PCDHGA8: variants seen among roughly 807,000 people sequenced by gnomAD.
PCDHGA8 encodes protocadherin gamma-A8.
PCDHGA8 carries 45 observed loss-of-function variants against 59.2 expected under a neutral mutation model. The observed-to-expected ratio is 0.76, with a 90% CI of 0.60 to 0.98. The LOEUF (loss-of-function observed/expected upper bound fraction) is 0.98. PCDHGA8 is among the 50% of genes least tolerant of loss of function. The pLI, the probability that PCDHGA8 is intolerant of heterozygous loss-of-function variation, is 0.00. For synonymous variants in PCDHGA8, 531 were observed against 519.0 expected (o/e 1.02, Z -0.32); for missense variants, 1,257 against 1,196.2 (o/e 1.05, Z -0.75).
intron 1 of PCDHGA8, chr5:141,492,018 G>A: frequency 1.7e-6 from 1 of 585,594 alleles, no homozygotes; most frequent in Admixed American, 3.7e-5. Flanking sequence ...GGGTGTCGGG[G>A]GTCCCGGGAG....
intron 1 of PCDHGA8, chr5:141,414,582 C>T (rs2095761888): frequency 2.5e-6 from 4 of 1,613,862 alleles, no homozygotes; most frequent in Non-Finnish European, 3.4e-6. Flanking sequence ...CAGAGAACAA[C>T]GCCAGGGGTG....
rs367731612 is a variant in PCDHGA8, at chr5:141,419,406, C to T, written c.2424+24169C>T. The T allele has an allele frequency of 6.5e-5, 105 of 1,613,522 alleles. 1 individual carries two copies. The South Asian group carries it at 1.0e-3, about 16-fold the overall frequency. Reference sequence around the variant, plus strand: ...AGCGCGCAGAGCGGGGTGGTGTTCGCGCAGCGCGCCTTCGACCACGAGCAG... The same window carrying T: ...AGCGCGCAGAGCGGGGTGGTGTTCGTGCAGCGCGCCTTCGACCACGAGCAG... On this transcript the variant is annotated intron_variant, in intron 1 of 3. Transcript: ENST00000398604.
chr5:141,507,796 G>GGGAA (rs2099863457), intron 3 of PCDHGA8, among the ~76,000 whole-genome samples: 1 of 152,220 alleles, frequency 6.6e-6, no homozygotes, highest in Admixed American at 6.5e-5. Flanking sequence ...GTCTAAGCCT[G>GGGAA]CGCCCTGGGG....
intron 1 of PCDHGA8, chr5:141,419,487 G>T: frequency 6.2e-7 from 1 of 1,612,378 alleles, no homozygotes. Context: ...CCCGCGCTCA[G>T]CGCCAATGTG....
intron 1 of PCDHGA8, chr5:141,398,973 C>T: frequency 6.2e-7 from 1 of 1,613,952 alleles, no homozygotes; most frequent in Non-Finnish European, 8.5e-7. Context: ...ATTCCTTCTA[C>T]AGAACCGGGC....
At chr5:141,443,844 G>T (rs976057583) in intron 1 of PCDHGA8, among the ~76,000 whole-genome samples, 1 of 152,130 alleles carries the variant, frequency 6.6e-6, no homozygotes, top group African/African-American at 2.4e-5. Flanking sequence ...GGGTAATATG[G>T]AAAGTCTGAA....
At chr5:141,414,230 C>T in intron 1 of PCDHGA8, 5 of 1,613,308 alleles carry the variant, frequency 3.1e-6, no homozygotes, top group Non-Finnish European at 4.2e-6. Flanking sequence ...CCAGAGCTGA[C>T]CATCACGTCT....
chr5:141,487,143 C>T lies in PCDHGA8; in HGVS notation c.2425-7664C>T. Reference sequence around the variant, plus strand: ...GATAGTGGTAGTCCACCACTCTCTACCTCTGTTACTCTCTTAGTGTCCTTA... The same window carrying T: ...GATAGTGGTAGTCCACCACTCTCTATCTCTGTTACTCTCTTAGTGTCCTTA... On this transcript the variant is annotated intron_variant, in intron 1 of 3. Coordinates refer to ENST00000398604, the MANE Select transcript of PCDHGA8 (RefSeq NM_032088.2). This position sits in a 1 kb window ranked among gnomAD's most constrained non-coding sequence, Gnocchi z 5.0. 1.2e-6 allele frequency: 2 copies of T among 1,614,028 alleles called. No homozygotes were observed. Among genetic ancestry groups the T allele is most frequent in the Non-Finnish European group, 1.7e-6 (2 of 1,179,862 alleles).
chr5:141,442,317 A>T (rs1257883989), intron 1 of PCDHGA8: 2 of 152,400 alleles, frequency 1.3e-5, no homozygotes, highest in Admixed American at 6.5e-5. Context: ...ACGGATGTCT[A>T]TCCCGCGCTA....
At chr5:141,437,016 T>G (rs1025489534) in intron 1 of PCDHGA8, among the ~76,000 whole-genome samples, 1 of 152,254 alleles carries the variant, frequency 6.6e-6, no homozygotes, top group Non-Finnish European at 1.5e-5. Flanking sequence ...TTAGATAATT[T>G]CACCAGAAAA....
At chr5:141,418,344 T>G (rs746519142) in intron 1 of PCDHGA8, 1 of 1,614,008 alleles carries the variant, frequency 6.2e-7, no homozygotes, top group Non-Finnish European at 8.5e-7. Context: ...GATCCTGATA[T>G]TAGTATGAAT....
chr5:141,393,676 A>G lies in PCDHGA8; in HGVS notation c.863A>G (p.Gln288Arg), dbSNP rs767754951. 1.2e-6 allele frequency: 2 copies of G among 1,613,954 alleles called. No homozygotes were observed. Among genetic ancestry groups the G allele is most frequent in the South Asian group, 1.1e-5 (1 of 91,090 alleles). Residue 288 changes from glutamine (Q) to arginine (R), a missense_variant, in exon 1 of 4, where the codon CAA (glutamine) becomes CGA (arginine). By Grantham distance (43) the Gln-to-Arg change is conservative (BLOSUM62 1). Coordinates refer to ENST00000398604, the MANE Select transcript of PCDHGA8 (RefSeq NM_032088.2). Reference protein sequence around the residue: ...AYKFRKINEKQTPLFQLNENT... With the variant: ...AYKFRKINEKRTPLFQLNENT... ...AAATTCCGGAAAATTAATGAAAAAC[A>G]AACTCCGTTATTCCAGCTTAATGAA...
chr5:141,399,617 TGGCCTCTTACGTGTCCATGAGC>T, intron 1 of PCDHGA8: 4 of 1,613,944 alleles, frequency 2.5e-6, no homozygotes. Flanking sequence ...CCTCTGGCAC[TGGCCTCTTACGTGTCCATGAGC>T]GCGCAAAGTG....
At chr5:141,430,945 C>G (rs1466092130) in intron 1 of PCDHGA8, 1 of 1,609,234 alleles carries the variant, frequency 6.2e-7, no homozygotes, top group Non-Finnish European at 8.5e-7. Context: ...TCGCGGAGCG[C>G]GGAGTCCGCA....
chr5:141,443,093 C>G (rs1316602934), intron 1 of PCDHGA8, among the ~76,000 whole-genome samples: 2 of 151,940 alleles, frequency 1.3e-5, no homozygotes, highest in African/African-American at 4.8e-5. Flanking sequence ...CAGTCTCCTT[C>G]TCAAGCTGAA....
intron 1 of PCDHGA8, chr5:141,403,068 C>G (rs1178674622): frequency 6.2e-7 from 1 of 1,614,064 alleles, no homozygotes; most frequent in Admixed American, 1.7e-5. Context: ...CCTGAAGAGA[C>G]AGAAAAGGGC....
At chr5:141,415,809 CTA>C in intron 1 of PCDHGA8, 1 of 1,346,328 alleles carries the variant, frequency 7.4e-7, no homozygotes, top group Non-Finnish European at 9.5e-7. Flanking sequence ...CAATCAAGGC[CTA>C]TATATCATAA....
rs1055429829 is a variant in PCDHGA8 at position 141,394,249 on chromosome 5, C to G, written c.1436C>G (p.Pro479Arg). ...ASIFSLTAHD[P>R]DSQENAQVTY... Reference sequence around the variant, plus strand: ...ATCTTTTCCTTGACTGCACACGACCCCGACAGCCAGGAGAATGCCCAGGTC... The same window carrying G: ...ATCTTTTCCTTGACTGCACACGACCGCGACAGCCAGGAGAATGCCCAGGTC... Residue 479 changes from proline to arginine, a missense_variant, in exon 1 of 4, where the codon CCC (proline) becomes CGC (arginine). Coordinates refer to ENST00000398604, the MANE Select transcript of PCDHGA8 (RefSeq NM_032088.2). 1.2e-6 allele frequency: 2 copies of G among 1,613,964 alleles called. No individual in the cohort carries two copies. Among genetic ancestry groups the G allele is most frequent in the South Asian group, 2.2e-5 (2 of 91,072 alleles).
At chr5:141,409,462 C>A (rs377705841) in intron 1 of PCDHGA8, 64 of 1,613,870 alleles carry the variant, frequency 4.0e-5, no homozygotes, top group Non-Finnish European at 5.3e-5. Flanking sequence ...AATACAATGT[C>A]ACCATCGTAG....
Sources: gnomAD v4.1 joint callset for allele counts (sites outside exome capture counted in the v4.1 genomes callset) on GRCh38, gnomAD v4.1.1 for gene constraint, Gnocchi (gnomAD v3.1) non-coding constraint, MANE v1.5 for transcripts, NCBI Gene and HGNC (gene_info 2026-07-23, HGNC 2026-07-21) for gene names.